The following TOP2B variants were observed in gnomAD, a reference collection of about 807,000 sequenced individuals.
TOP2B encodes DNA topoisomerase II beta.
A neutral mutation model predicts 193.5 loss-of-function variants in TOP2B; 51 were observed. The observed-to-expected ratio is 0.26, with a 90% confidence interval of 0.21 to 0.33. The LOEUF (loss-of-function observed/expected upper bound fraction) is 0.33, where lower values mean the gene tolerates loss of function less well. Ranked by LOEUF, TOP2B falls within the 10% of genes least tolerant of loss-of-function variation. The probability of loss-of-function intolerance (pLI) is 1.00; values close to 1 mark genes in which losing one functional copy is unlikely to be tolerated. For synonymous variants in TOP2B, 634 were observed against 635.7 expected (o/e 1.00, Z 0.04); for missense variants, 1,378 against 1,909.3 (o/e 0.72, Z 5.19).
chr3:25,641,536 GA>G (rs111436270), intron 4 of TOP2B, among the ~76,000 whole-genome samples: 2 of 151,472 alleles, frequency 1.3e-5, no homozygotes, highest in South Asian at 2.1e-4. Context: ...AAAAAATGGA[GA>G]AAAAAATAAA....
intron 10 of TOP2B, among the ~76,000 whole-genome samples, chr3:25,631,869 T>C (rs1702969214): frequency 6.6e-6 from 1 of 152,024 alleles, no homozygotes; most frequent in Non-Finnish European, 1.5e-5. Context: ...TTTTTGGAAT[T>C]TGAGAAATAC....
chr3:25,618,578 G>A, intron 24 of TOP2B, 69 bp from the exon 25 acceptor site: 2 of 1,528,198 alleles, frequency 1.3e-6, no homozygotes, highest in Non-Finnish European at 1.8e-6. Flanking sequence ...ATATTCTACT[G>A]ATAAAAATGT....
intron 23 of TOP2B, among the ~76,000 whole-genome samples, chr3:25,619,150 C>CA (rs1438863248): frequency 6.6e-6 from 1 of 152,134 alleles, no homozygotes; most frequent in Non-Finnish European, 1.5e-5. Context: ...AAACCACCTA[C>CA]AAAAATGATT....
chr3:25,657,366 A>T (rs1703776356), intron 1 of TOP2B, among the ~76,000 whole-genome samples: 1 of 152,174 alleles, frequency 6.6e-6, no homozygotes, highest in African/African-American at 2.4e-5. Context: ...GCCTTAGAAG[A>T]GAGAAGCTAA....
rs983349023 is a variant in TOP2B, at chr3:25,656,344, G to A, written c.69+7885C>T. 5.9e-5 allele frequency among the ~76,000 whole-genome samples: 9 copies of A among 152,080 alleles called. No homozygotes were observed. The East Asian group carries it at 1.5e-3, about 26-fold the overall frequency. ...TAGGGCATGGTGCCATAGGCCTGTC[G>A]TCCCAGCTACTCTGGAGTCTGAGAC... On this transcript the variant is annotated intron_variant, in intron 1 of 35. Transcript: ENST00000264331.
intron 1 of TOP2B, 66 bp from the exon 2 acceptor site, chr3:25,645,536 C>A: frequency 2.5e-6 from 3 of 1,208,978 alleles, no homozygotes; most frequent in Non-Finnish European, 3.3e-6. Context: ...TATGGACACA[C>A]GACATGGGTT....
intron 31 of TOP2B, among the ~76,000 whole-genome samples, chr3:25,606,692 C>T (rs575849083): frequency 2.3e-4 from 35 of 152,256 alleles, no homozygotes; most frequent in African/African-American, 7.2e-4. Flanking sequence ...GATGTATTCA[C>T]GCTCACCAAA....
rs1481169131 is a variant in TOP2B, at chr3:25,651,408, C to T, written c.70-5938G>A. Among the ~76,000 whole-genome samples the T allele has an allele frequency of 5.8e-5, 8 of 137,770 alleles. No homozygotes were observed. In the East Asian group the frequency reaches 1.0e-3, roughly 18 times the overall value. The allele number at this position is 137,770 out of a possible 152,430, so 90.4% of individuals were successfully genotyped here. ...TCAAGGAAAATATCTGTAGAATATA[C>T]ACAAAGAGAAATTAGAAGAAAATCA... On this transcript the variant is annotated intron_variant, in intron 1 of 35. Transcript: ENST00000264331.
chr3:25,664,090 T>C (rs887651523), intron 1 of TOP2B, 139 bp downstream of exon 1: 6 of 1,270,782 alleles, frequency 4.7e-6, no homozygotes, highest in Non-Finnish European at 6.5e-6. Flanking sequence ...TGGAGGATTC[T>C]GCAAGCACAG....
chr3:25,618,752 C>T lies in TOP2B; in HGVS notation c.3161G>A (p.Arg1054His), dbSNP rs745953350. 5 of 1,613,366 alleles carry T rather than the reference C, an allele frequency of 3.1e-6. No individual in the cohort carries two copies. The highest frequency in any genetic ancestry group is 1.7e-5 in the Admixed American group (1 of 59,934). ...CAACATTCCCACAAGCCACTCCTTA[C>T]GTAAACCGTAATAACTTAATCGTAA... is the stretch of plus-strand genomic sequence containing the variant. ...FDLRLSYYGLRKEWLVGMLGA... is the reference protein window; with the variant it reads ...FDLRLSYYGLHKEWLVGMLGA... The change falls in exon 24 of 36, where the codon CGT (arginine) becomes CAT (histidine). Residue 1054 changes from arginine (R) to histidine (H), a missense_variant. Physicochemically the swap from Arg to His is conservative, Grantham distance 29 (BLOSUM62 0). Transcript: ENST00000264331.
At chr3:25,634,606 T>G (rs1322343483) in intron 7 of TOP2B, among the ~76,000 whole-genome samples, 1 of 151,824 alleles carries the variant, frequency 6.6e-6, no homozygotes, top group Non-Finnish European at 1.5e-5. Flanking sequence ...GGGACTATAG[T>G]CATAAGTTCA....
rs1553638571 is a variant in TOP2B at position 25,598,198 on chromosome 3, C to CAATTACATCATCACATT, written c.*92_*108dup. The CAATTACATCATCACATT allele has an allele frequency of 5.9e-6, 7 of 1,183,676 alleles. No individual in the cohort carries two copies. In the East Asian group the frequency reaches 1.4e-4, roughly 24 times the overall value. 73.3% of individuals were successfully genotyped at this position (1,183,676 alleles called of 1,614,324 possible). A position where few individuals can be genotyped will look rare whatever the true frequency, so the allele number is the denominator to read the frequency against. ...GCCTACCACAATAATAAAAAACCGT[C>CAATTACATCATCACATT]AATTACATCATCACATTAAAATAAG... On this transcript the variant is annotated 3_prime_UTR_variant, in exon 36 of 36. Coordinates refer to ENST00000264331, the MANE Select transcript of TOP2B (RefSeq NM_001330700.2).
At chr3:25,602,066 C>T in intron 33 of TOP2B, among the ~76,000 whole-genome samples, 2 of 151,956 alleles carry the variant, frequency 1.3e-5, no homozygotes, top group Admixed American at 1.3e-4. Flanking sequence ...AAAAATAGAC[C>T]TTGTTTTACA....
At chr3:25,659,060 G>T (rs1034938792) in intron 1 of TOP2B, among the ~76,000 whole-genome samples, 1 of 152,122 alleles carries the variant, frequency 6.6e-6, no homozygotes, top group Non-Finnish European at 1.5e-5. Flanking sequence ...GAGTGGAAGT[G>T]GGGGCTGGCA....
intron 33 of TOP2B, among the ~76,000 whole-genome samples, chr3:25,603,959 A>C (rs187443526): frequency 7.2e-5 from 11 of 152,372 alleles, no homozygotes; most frequent in African/African-American, 2.6e-4. Flanking sequence ...AATATGCACT[A>C]AGTGGTAAGG....
At chr3:25,609,768 T>C (rs1702323444) in intron 28 of TOP2B, 56 bp from the exon 29 acceptor site, 2 of 1,413,508 alleles carry the variant, frequency 1.4e-6, no homozygotes, top group South Asian at 3.3e-5. Flanking sequence ...TCACATATTT[T>C]AGAGATAGTT....
chr3:25,647,253 A>T (rs1703437431), intron 1 of TOP2B, among the ~76,000 whole-genome samples: 1 of 152,222 alleles, frequency 6.6e-6, no homozygotes, highest in Admixed American at 6.5e-5. Flanking sequence ...ACGTTAATTT[A>T]TAGAAACGAT....
chr3:25,648,936 T>G (rs1207543050), intron 1 of TOP2B, among the ~76,000 whole-genome samples: 3 of 152,142 alleles, frequency 2.0e-5, no homozygotes, highest in African/African-American at 7.2e-5. Context: ...AGAATTCAAA[T>G]TAACTGCCAT....
intron 3 of TOP2B, among the ~76,000 whole-genome samples, chr3:25,643,187 A>G (rs889078801): frequency 1.3e-4 from 20 of 152,192 alleles, no homozygotes; most frequent in African/African-American, 4.3e-4. Context: ...CCAAAGTACA[A>G]GCATTCCCTA....
Sources: allele counts gnomAD v4.1 joint callset (sites outside exome capture counted in the v4.1 genomes callset), GRCh38; gene constraint gnomAD v4.1.1; transcripts MANE v1.5; gene names NCBI Gene and HGNC (gene_info 2026-07-23, HGNC 2026-07-21).